Variants in SLC27A6 observed in about 807,000 individuals in gnomAD.
The protein encoded by SLC27A6 is solute carrier family 27 member 6, also known as long-chain fatty acid transport protein 6.
SLC27A6 carries 74 observed loss-of-function variants against 63.9 expected under a neutral mutation model. The ratio of observed to expected loss-of-function variants is 1.16; its 90% CI spans 0.96 to 1.40. The LOEUF (loss-of-function observed/expected upper bound fraction) is 1.40, where lower values mean the gene tolerates loss of function less well. Ranked by LOEUF, SLC27A6 falls within the 40% of genes most tolerant of loss-of-function variation. The pLI, the probability that SLC27A6 is intolerant of heterozygous loss-of-function variation, is 0.00. For missense variants in SLC27A6, 794 were observed against 732.9 expected (o/e 1.08, Z -0.96); for synonymous variants, 287 against 260.8 (o/e 1.10, Z -0.97).
intron 4 of SLC27A6, among the ~76,000 whole-genome samples, chr5:128,994,153 C>G (rs929983749): frequency 2.0e-5 from 3 of 151,222 alleles, no homozygotes; most frequent in African/African-American, 7.3e-5. Context: ...GGTGACAGAG[C>G]AAGACTCTGT....
chr5:129,010,503 G>A (rs983274518), intron 4 of SLC27A6, among the ~76,000 whole-genome samples: 35 of 152,172 alleles, frequency 2.3e-4, no homozygotes, highest in African/African-American at 8.4e-4. Context: ...TTCTCTGGCT[G>A]CAAGCAAGGA....
intron 1 of SLC27A6, among the ~76,000 whole-genome samples, chr5:128,967,831 A>G (rs1749968756): frequency 6.6e-6 from 1 of 152,288 alleles, no homozygotes; most frequent in Middle Eastern, 3.4e-3. Context: ...TTATGTATGT[A>G]TACATGTGCC....
intron 4 of SLC27A6, among the ~76,000 whole-genome samples, chr5:129,003,138 A>T (rs1020216130): frequency 6.6e-6 from 1 of 152,102 alleles, no homozygotes; most frequent in African/African-American, 2.4e-5. Flanking sequence ...TGCACGAGAG[A>T]GAGAGAGAGC....
At position 128,990,492 on chromosome 5, in the gene SLC27A6, T is replaced by A. The variant is rs753280636; in HGVS notation, c.969+28T>A. The A allele has an allele frequency of 2.6e-6, 4 of 1,550,606 alleles. No homozygotes were observed. The South Asian group carries it at 3.6e-5, about 14-fold the overall frequency. ...AGGCGTAATCATTATCAGAAAAAAA[T>A]ATGTCAGAAAGAATAAGTATTGAGA... On this transcript the variant is annotated intron_variant, in intron 4 of 9. Coordinates refer to ENST00000262462, the MANE Select transcript of SLC27A6 (RefSeq NM_001017372.3).
intron 9 of SLC27A6, 26 bp downstream of exon 9, chr5:129,029,733 T>G (rs1176791512): frequency 1.9e-6 from 3 of 1,580,562 alleles, no homozygotes; most frequent in Non-Finnish European, 2.6e-6. Context: ...GAGTTTACTA[T>G]CAAATATAAG....
chr5:128,989,289 C>T (rs949172191), intron 3 of SLC27A6, among the ~76,000 whole-genome samples: 52 of 151,812 alleles, frequency 3.4e-4, no homozygotes, highest in African/African-American at 1.1e-3. Context: ...GCCATCTTTG[C>T]GAACAGTCTG....
intron 5 of SLC27A6, among the ~76,000 whole-genome samples, chr5:129,020,517 G>C (rs564019746): frequency 6.6e-6 from 1 of 152,128 alleles, no homozygotes; most frequent in East Asian, 1.9e-4. Flanking sequence ...GGAAGAAATG[G>C]TTATTCTCCT....
chr5:129,028,331 T>C lies in SLC27A6; in HGVS notation c.1455-14T>C, dbSNP rs1316120596. 6.3e-7 allele frequency: 1 copy of C among 1,576,298 alleles called. No homozygotes were observed. The highest frequency in any genetic ancestry group is 1.7e-5 in the Admixed American group (1 of 59,426). On this transcript the variant is annotated splice_polypyrimidine_tract_variant and intron_variant, in intron 7 of 9. Coordinates refer to ENST00000262462, the MANE Select transcript of SLC27A6 (RefSeq NM_001017372.3). The stretch of plus-strand genomic sequence containing the variant: ...TACAGGTGCACTAACTGGAATTTGA[T>C]TTTTTTCATTTAGATGGAAAGGAGA...
intron 9 of SLC27A6, among the ~76,000 whole-genome samples, chr5:129,031,440 A>G: frequency 6.6e-6 from 1 of 151,976 alleles, no homozygotes; most frequent in East Asian, 1.9e-4. Context: ...CTGGGATAAA[A>G]CGAACTTGGT....
intron 1 of SLC27A6, among the ~76,000 whole-genome samples, chr5:128,978,866 T>A (rs1377858342): frequency 6.6e-6 from 1 of 152,184 alleles, no homozygotes; most frequent in Admixed American, 6.5e-5. Flanking sequence ...GTACCTTTTC[T>A]AAGTTTAAAT....
chr5:129,000,875 C>A (rs1362463858), intron 4 of SLC27A6, among the ~76,000 whole-genome samples: 1 of 152,134 alleles, frequency 6.6e-6, no homozygotes, highest in Non-Finnish European at 1.5e-5. Flanking sequence ...ATTTGCTTTC[C>A]CTCCACTGTT....
chr5:129,027,605 A>G, intron 7 of SLC27A6, among the ~76,000 whole-genome samples: 1 of 152,162 alleles, frequency 6.6e-6, no homozygotes. Context: ...GATGTAAAAT[A>G]TAAATGGTAG....
chr5:128,985,746 T>C (rs925876083), intron 2 of SLC27A6, among the ~76,000 whole-genome samples: 4 of 152,198 alleles, frequency 2.6e-5, no homozygotes, highest in African/African-American at 9.7e-5. Context: ...TTTCTACTGA[T>C]TCTTTTGGAT....
chr5:129,006,521 T>C (rs1169252418), intron 4 of SLC27A6, among the ~76,000 whole-genome samples: 1 of 151,700 alleles, frequency 6.6e-6, no homozygotes, highest in African/African-American at 2.4e-5. Context: ...ATATAACTTT[T>C]GGGCTTTCTA....
chr5:128,968,925 T>A (rs185925796), intron 1 of SLC27A6, among the ~76,000 whole-genome samples: 1 of 152,368 alleles, frequency 6.6e-6, no homozygotes, highest in Admixed American at 6.5e-5. Flanking sequence ...TAATCCATCT[T>A]GAATTAAATT....
At chr5:128,978,593 G>A (rs1039971874) in intron 1 of SLC27A6, among the ~76,000 whole-genome samples, 1 of 152,110 alleles carries the variant, frequency 6.6e-6, no homozygotes, top group African/African-American at 2.4e-5. Context: ...CTATCACAGT[G>A]CACATTATCT....
At chr5:129,016,679 T>C (rs922071609) in intron 5 of SLC27A6, among the ~76,000 whole-genome samples, 2 of 152,096 alleles carry the variant, frequency 1.3e-5, no homozygotes, top group African/African-American at 2.4e-5. Flanking sequence ...GGCCCTGATA[T>C]ATATTGACTC....
intron 5 of SLC27A6, among the ~76,000 whole-genome samples, chr5:129,017,108 A>G (rs865833810): frequency 7.9e-5 from 12 of 152,322 alleles, no homozygotes; most frequent in African/African-American, 2.6e-4. Flanking sequence ...ACTAATCGAC[A>G]TATGAAAGAC....
intron 1 of SLC27A6, among the ~76,000 whole-genome samples, chr5:128,980,011 G>A (rs1041547727): frequency 1.3e-5 from 2 of 152,216 alleles, no homozygotes; most frequent in Admixed American, 1.3e-4. Flanking sequence ...GGAAGGGCAT[G>A]GTCTGACTTG....
Sources: gnomAD v4.1 joint callset for allele counts (sites outside exome capture counted in the v4.1 genomes callset) on GRCh38, gnomAD v4.1.1 for gene constraint, MANE v1.5 for transcripts, NCBI Gene and HGNC (gene_info 2026-07-23, HGNC 2026-07-21) for gene names.